TASOR: variants seen among roughly 807,000 people sequenced by gnomAD.
The protein encoded by TASOR is protein TASOR.
TASOR carries 53 observed loss-of-function variants against 178.6 expected under a neutral mutation model. The ratio of observed to expected loss-of-function variants is 0.30; its 90% CI spans 0.24 to 0.37. The LOEUF (loss-of-function observed/expected upper bound fraction) is 0.37, where lower values mean the gene tolerates loss of function less well. Ranked by LOEUF, TASOR falls within the 10% of genes least tolerant of loss-of-function variation. The probability of loss-of-function intolerance (pLI) is 1.00; values close to 1 mark genes in which losing one functional copy is unlikely to be tolerated. For missense variants in TASOR, 1,815 were observed against 1,971.4 expected, an observed-to-expected ratio of 0.92 and a Z score of 1.50; for synonymous variants, 713 against 696.2, an observed-to-expected ratio of 1.02 and a Z score of -0.38.
rs1205988054 is a variant in TASOR, at chr3:56,682,768, G to T, written c.239C>A (p.Ala80Glu). 2 of 1,541,496 alleles carry T rather than the reference G, an allele frequency of 1.3e-6. No individual in the cohort carries two copies. Among genetic ancestry groups the T allele is most frequent in the Non-Finnish European group, 1.8e-6 (2 of 1,141,334 alleles). ...SHEQPQDSSEAGAAALPRGPE... is the reference protein window; with the variant it reads ...SHEQPQDSSEEGAAALPRGPE... ...GCCTCTGGGCAGGGCGGCCGCGCCC[G>T]CCTCAGAGGAGTCCTGAGGCTGCTC... The change falls in exon 1 of 24, where the codon GCG (alanine) becomes GAG (glutamate). Residue 80 changes from alanine (A) to glutamate (E), a missense_variant. Physicochemically the swap from Ala to Glu is moderately radical, Grantham distance 107. Transcript: ENST00000683822.
chr3:56,625,200 G>A (rs2076771328), intron 21 of TASOR, among the ~76,000 whole-genome samples, 194 bp from the exon 22 acceptor site: 1 of 152,232 alleles, frequency 6.6e-6, no homozygotes, highest in Admixed American at 6.5e-5. Flanking sequence ...GGGTTTCTTG[G>A]TCGCGAGGCC....
At chr3:56,647,292 C>T in intron 13 of TASOR, 69 bp from the exon 14 acceptor site, 1 of 1,229,466 alleles carries the variant, frequency 8.1e-7, no homozygotes, top group Non-Finnish European at 1.1e-6. Flanking sequence ...AAATACAGAT[C>T]TAAATATTGC....
At chr3:56,681,203 A>G (rs1469968895) in intron 1 of TASOR, among the ~76,000 whole-genome samples, 4 of 152,050 alleles carry the variant, frequency 2.6e-5, no homozygotes, top group Non-Finnish European at 4.4e-5. Context: ...TCCACCTCCT[A>G]CCTCATAACC....
At chr3:56,641,811 A>G in intron 14 of TASOR, 59 bp from the exon 15 acceptor site, 2 of 1,490,330 alleles carry the variant, frequency 1.3e-6, no homozygotes, top group Non-Finnish European at 9.0e-7. Flanking sequence ...AAAACTTTTA[A>G]AATCAAATAT....
At chr3:56,660,308 G>A (rs1252169326) in intron 11 of TASOR, among the ~76,000 whole-genome samples, 2 of 151,690 alleles carry the variant, frequency 1.3e-5, no homozygotes, top group Admixed American at 6.6e-5. Context: ...TGGACAACAC[G>A]GTGAAACCCC....
chr3:56,643,371 G>A (rs1281350151), intron 14 of TASOR, among the ~76,000 whole-genome samples: 1 of 152,090 alleles, frequency 6.6e-6, no homozygotes, highest in Non-Finnish European at 1.5e-5. Context: ...CCTCAAAACA[G>A]TTTATGTTAA....
At chr3:56,623,654 G>A (rs573519750) in intron 23 of TASOR, 88 bp from the exon 24 acceptor site, 23 of 1,543,852 alleles carry the variant, frequency 1.5e-5, no homozygotes, top group East Asian at 1.4e-4. Flanking sequence ...ACAATATAAC[G>A]CGTCAGGGTC....
intron 11 of TASOR, among the ~76,000 whole-genome samples, chr3:56,652,033 T>C (rs1008017794): frequency 2.6e-5 from 4 of 152,154 alleles, no homozygotes. Context: ...TGCTACAACA[T>C]CAATGAGCCT....
chr3:56,624,840 C>T lies in TASOR; in HGVS notation c.4306G>A (p.Val1436Ile). The change falls in exon 22 of 24, where the codon GTC (valine) becomes ATC (isoleucine). Residue 1436 changes from valine to isoleucine, a missense_variant. Val to Ile is a conservative substitution (Grantham distance 29). Transcript: ENST00000683822. ...QAQNIQQRHIVFLTEKNIKML... is the reference protein window; with the variant it reads ...QAQNIQQRHIIFLTEKNIKML... ...GTGCTCTCTTTACCTGTTAAAAAGA[C>T]TATGTGTCGTTGCTGTATGTTCTGA... 4 of 1,614,048 alleles carry T rather than the reference C, an allele frequency of 2.5e-6. No homozygotes were observed. Among genetic ancestry groups the T allele is most frequent in the Non-Finnish European group, 3.4e-6 (4 of 1,179,982 alleles).
At chr3:56,628,306 G>A (rs758821289) in intron 19 of TASOR, among the ~76,000 whole-genome samples, 186 bp downstream of exon 19, 5 of 152,228 alleles carry the variant, frequency 3.3e-5, no homozygotes, top group Non-Finnish European at 5.9e-5. Flanking sequence ...GGGAAGATCT[G>A]TGATGTGCAG....
rs114349356 is a variant in TASOR, at chr3:56,650,849, C to T, written c.1369-1792G>A. Among the ~76,000 whole-genome samples, 1,142 of 152,198 alleles carry T rather than the reference C, an allele frequency of 7.5e-3. 9 individuals are homozygous for T. The highest frequency in any genetic ancestry group is 0.012 in the Non-Finnish European group (849 of 68,000). ...GAGTATACTACAAGCGGACAATGTA[C>T]CTGAAAATTTTGTTTCAAATACTTT... On this transcript the variant is annotated intron_variant, in intron 11 of 23. Transcript: ENST00000683822.
At chr3:56,630,361 T>C (rs1051305805) in intron 18 of TASOR, among the ~76,000 whole-genome samples, 3 of 152,254 alleles carry the variant, frequency 2.0e-5, no homozygotes, top group Non-Finnish European at 4.4e-5. Context: ...AGTCTTTTAC[T>C]GTAGTATTTT....
chr3:56,658,830 C>A (rs112019794), intron 11 of TASOR, among the ~76,000 whole-genome samples: 1 of 151,910 alleles, frequency 6.6e-6, no homozygotes, highest in Non-Finnish European at 1.5e-5. Context: ...TCGCTTGAAC[C>A]CGGAAGGTTG....
Position 56,627,132 on chromosome 3 carries a change from A to T in TASOR, c.4044T>A (p.Asn1348Lys), listed in dbSNP as rs1453753043. 1.2e-6 allele frequency: 2 copies of T among 1,603,696 alleles called. No homozygotes were observed. Among genetic ancestry groups the T allele is most frequent in the East Asian group, 2.2e-5 (1 of 44,720 alleles). Residue 1348 changes from asparagine to lysine, a missense_variant, in exon 21 of 24, where the codon AAT becomes AAA. Coordinates refer to ENST00000683822, the MANE Select transcript of TASOR (RefSeq NM_001365635.2). ...PEVVTVENLK[N>K]FLTFLEELST... The stretch of plus-strand genomic sequence containing the variant: ...TAAGTTCCTCAAGGAATGTCAAAAA[A>T]TTTTTAAGGTTCTCTGTTAGAGATA...
At chr3:56,639,894 C>T (rs1023539222) in intron 16 of TASOR, 92 bp downstream of exon 16, 2 of 1,158,886 alleles carry the variant, frequency 1.7e-6, no homozygotes, top group South Asian at 1.6e-5. Flanking sequence ...ACCTAGTGAC[C>T]CAAGAGTGAA....
Position 56,622,400 on chromosome 3 carries a change from A to C in TASOR, c.*637T>G, listed in dbSNP as rs997245064. The C allele has an allele frequency of 6.6e-6, 1 of 152,424 alleles. No individual in the cohort carries two copies. Among genetic ancestry groups the C allele is most frequent in the African/African-American group, 2.4e-5 (1 of 41,464 alleles). 9.4% of individuals were successfully genotyped at this position (152,424 alleles called of 1,614,324 possible). A position where few individuals can be genotyped will look rare whatever the true frequency, so the allele number is the denominator to read the frequency against. On this transcript the variant is annotated 3_prime_UTR_variant, in exon 24 of 24. Transcript: ENST00000683822. ...ACAGAAGCCTATCTTTTGAAATAAA[A>C]AATTTAATTTCATTAAATCAAGGAT...
intron 11 of TASOR, among the ~76,000 whole-genome samples, chr3:56,657,457 T>C (rs1166400860): frequency 6.6e-6 from 1 of 152,266 alleles, no homozygotes; most frequent in African/African-American, 2.4e-5. Context: ...AAAATGTATA[T>C]GATATAAAGA....
chr3:56,648,960 A>C (rs2107583649), intron 12 of TASOR, 25 bp downstream of exon 12: 2 of 1,598,408 alleles, frequency 1.3e-6, no homozygotes, highest in Non-Finnish European at 1.7e-6. Flanking sequence ...GAATTGTAAA[A>C]ATTTATTAAA....
At chr3:56,656,217 A>C (rs1292000356) in intron 11 of TASOR, among the ~76,000 whole-genome samples, 1 of 152,264 alleles carries the variant, frequency 6.6e-6, no homozygotes, top group Non-Finnish European at 1.5e-5. Context: ...TTTCACATTG[A>C]TCTGCATTAA....
Sources: gnomAD v4.1 joint callset for allele counts (sites outside exome capture counted in the v4.1 genomes callset) on GRCh38, gnomAD v4.1.1 for gene constraint, MANE v1.5 for transcripts, NCBI Gene and HGNC (gene_info 2026-07-23, HGNC 2026-07-21) for gene names.